Variants in ASIC1 observed in about 807,000 individuals in gnomAD.
ASIC1 encodes acid-sensing ion channel 1.
Under a neutral mutation model 63.4 loss-of-function variants are expected in ASIC1, and 21 were observed. The ratio of observed to expected loss-of-function variants is 0.33; its 90% CI spans 0.23 to 0.48. The LOEUF (loss-of-function observed/expected upper bound fraction) is 0.48. Ranked by LOEUF, ASIC1 falls within the 20% of genes least tolerant of loss-of-function variation. The probability of loss-of-function intolerance (pLI) is 0.99; values close to 1 mark genes in which losing one functional copy is unlikely to be tolerated. For synonymous variants in ASIC1, 258 were observed against 278.2 expected (o/e 0.93, Z 0.72); for missense variants, 478 against 695.5 (o/e 0.69, Z 3.52).
Position 50,059,951 on chromosome 12 carries a change from G to A in ASIC1, c.555G>A (p.Lys185=), listed in dbSNP as rs750748205. ...RGEVCSAEDF[K]VVFTRYGKCY... Reference sequence around the variant, plus strand: ...AGGTCTGCAGCGCTGAAGACTTCAAGGTGGTGAGTCCCCTCGTGTGGGGTG... The same window carrying A: ...AGGTCTGCAGCGCTGAAGACTTCAAAGTGGTGAGTCCCCTCGTGTGGGGTG... Residue 185 remains lysine (K), a synonymous_variant, in exon 3 of 12, where the codon AAG becomes AAA. Coordinates refer to ENST00000447966, the MANE Select transcript of ASIC1 (RefSeq NM_001095.4). This position sits in a 1 kb window ranked among gnomAD's most constrained non-coding sequence, Gnocchi z 4.6. 12 of 1,613,732 alleles carry A rather than the reference G, an allele frequency of 7.4e-6. No homozygotes were observed. In the Admixed American group the frequency reaches 1.8e-4, roughly 25 times the overall value.
In ASIC1 at chr12:50,077,317, G is replaced by T; in HGVS notation, c.663G>T (p.Met221Ile). Residue 221 changes from methionine (M) to isoleucine (I), a missense_variant, in exon 4 of 12, where the codon ATG becomes ATT. By Grantham distance (10) the Met-to-Ile change is conservative. Transcript: ENST00000447966. ...KGGTGNGLEIMLDIQQDEYLP... is the reference protein window; with the variant it reads ...KGGTGNGLEIILDIQQDEYLP... ...GGACGGGCAATGGGCTGGAAATCAT[G>T]CTGGACATCCAGCAGGACGAGTACC... 6.2e-7 allele frequency: 1 copy of T among 1,614,214 alleles called. No homozygotes were observed. Among genetic ancestry groups the T allele is most frequent in the Non-Finnish European group, 8.5e-7 (1 of 1,180,030 alleles).
chr12:50,083,501 C>T lies in ASIC1; in HGVS notation c.*1852C>T, dbSNP rs1168340427. ...CTAAGAGTTTCCTCAGAGATCATAC[C>T]TCCCCAGAGGGAAGCAGGAATGAGG... On this transcript the variant is annotated 3_prime_UTR_variant, in exon 12 of 12. Coordinates refer to ENST00000447966, the MANE Select transcript of ASIC1 (RefSeq NM_001095.4). 1 of 152,674 alleles carries T rather than the reference C, an allele frequency of 6.5e-6. No homozygotes were observed. Among genetic ancestry groups the T allele is most frequent in the East Asian group, 1.9e-4 (1 of 5,192 alleles). 9.5% of individuals were successfully genotyped at this position (152,674 alleles called of 1,614,324 possible).
In ASIC1 at chr12:50,082,717, G is replaced by A. The variant is rs753320866; in HGVS notation, c.*1068G>A. The A allele has an allele frequency of 6.6e-6, 1 of 152,486 alleles. No individual in the cohort carries two copies. The highest frequency in any genetic ancestry group is 1.5e-5 in the Non-Finnish European group (1 of 68,062). The allele number at this position is 152,486 out of a possible 1,614,324, so 9.4% of individuals were successfully genotyped here. ...CTGAATGCCTTCGCCTGTATAAAGA[G>A]TTGGACTCTCTCCCCTGGTGTCTGT... On this transcript the variant is annotated 3_prime_UTR_variant, in exon 12 of 12. Transcript: ENST00000447966.
chr12:50,081,078 C>A, intron 9 of ASIC1, 24 bp from the exon 10 acceptor site: 4 of 1,558,174 alleles, frequency 2.6e-6, no homozygotes, highest in Non-Finnish European at 3.5e-6. Context: ...ACCCCACTGA[C>A]CCCCCTGGCG....
intron 3 of ASIC1, among the ~76,000 whole-genome samples, chr12:50,071,304 T>C (rs957456993): frequency 1.4e-5 from 2 of 148,118 alleles, no homozygotes; most frequent in Admixed American, 1.4e-4. Context: ...TCTTGCTCTG[T>C]CCCCCAGGCT....
chr12:50,080,189 A>G lies in ASIC1; in HGVS notation c.1205+134A>G, dbSNP rs936518188. ...ACGGGGAAGGTCCAAAAGGCAAGCA[A>G]AGAGTCTAGGGTGGGTATGCAGGGA... On this transcript the variant is annotated intron_variant, in intron 8 of 11. Transcript: ENST00000447966. The G allele has an allele frequency of 9.4e-6, 12 of 1,283,168 alleles. No individual in the cohort carries two copies. The South Asian group carries it at 1.6e-4, about 18-fold the overall frequency. 79.5% of individuals were successfully genotyped at this position (1,283,168 alleles called of 1,614,324 possible).
rs181113174 is a variant in ASIC1, at chr12:50,077,631, G to A, written c.709+268G>A. ...TCTATAAATAACTCCCTCTCTTCTC[G>A]GGCTGCCTGCCTGTCTGGTCTCGGG... On this transcript the variant is annotated intron_variant, in intron 4 of 11. Transcript: ENST00000447966. Among the ~76,000 whole-genome samples, 79 of 151,692 alleles carry A rather than the reference G, an allele frequency of 5.2e-4. 1 individual carries two copies. The highest frequency in any genetic ancestry group is 1.6e-3 in the African/African-American group (67 of 41,344).
chr12:50,081,553 C>T lies in ASIC1; in HGVS notation c.1491C>T (p.Cys497=), dbSNP rs774083678. 3 of 1,614,068 alleles carry T rather than the reference C, an allele frequency of 1.9e-6. No individual in the cohort carries two copies. The highest frequency in any genetic ancestry group is 2.5e-6 in the Non-Finnish European group (3 of 1,179,986). The part of the protein sequence containing the change: ...SLDDVKRHNP[C]ESLRGHPAGM... ...CTGTCCCCTTCCCCCAGAACCCGTG[C>T]GAGAGCCTTCGGGGCCACCCTGCCG... Residue 497 remains cysteine (C), a synonymous_variant, in exon 12 of 12, where the codon TGC becomes TGT. Coordinates refer to ENST00000447966, the MANE Select transcript of ASIC1 (RefSeq NM_001095.4).
intron 3 of ASIC1, chr12:50,073,923 T>C: frequency 1.3e-6 from 2 of 1,535,838 alleles, no homozygotes; most frequent in South Asian, 2.4e-5. Flanking sequence ...GCGTTGCTTA[T>C]TACCTCAGCT....
intron 3 of ASIC1, among the ~76,000 whole-genome samples, chr12:50,067,028 CTT>C (rs1456398222): frequency 6.6e-6 from 1 of 152,172 alleles, no homozygotes; most frequent in Non-Finnish European, 1.5e-5. Context: ...TGAAGATGCT[CTT>C]GTCTTAAAAT....
In ASIC1 at chr12:50,081,674, G is replaced by T. The variant is rs1390315767; in HGVS notation, c.*25G>T. 3 of 1,608,634 alleles carry T rather than the reference G, an allele frequency of 1.9e-6. No homozygotes were observed. Among genetic ancestry groups the T allele is most frequent in the Non-Finnish European group, 8.5e-7 (1 of 1,177,106 alleles). On this transcript the variant is annotated 3_prime_UTR_variant, in exon 12 of 12. Transcript: ENST00000447966. ...AGCCCCGCAGGCCGCTGAACCAAAG[G>T]CCTAGATGGGGAGGACTAGGAGAGC...
intron 7 of ASIC1, among the ~76,000 whole-genome samples, chr12:50,079,665 A>C (rs762419643): frequency 6.6e-6 from 1 of 152,176 alleles, no homozygotes; most frequent in Non-Finnish European, 1.5e-5. Context: ...AGTTCTCTCC[A>C]TCTACATCGT....
Position 50,063,003 on chromosome 12 carries a change from A to C in ASIC1, c.558+3049A>C, listed in dbSNP as rs377345860. Among the ~76,000 whole-genome samples the C allele has an allele frequency of 3.9e-5, 6 of 152,294 alleles. No individual in the cohort carries two copies. The East Asian group carries it at 9.6e-4, about 24-fold the overall frequency. ...GAAGGGCAGGGCAGGGAGTATCCCC[A>C]CAGCAACCTGGCTGGGAAGGTTTCA... On this transcript the variant is annotated intron_variant, in intron 3 of 11. Coordinates refer to ENST00000447966, the MANE Select transcript of ASIC1 (RefSeq NM_001095.4).
In ASIC1 at chr12:50,081,891, C is replaced by T. The variant is rs1273956612; in HGVS notation, c.*242C>T. 2.8e-5 allele frequency: 15 copies of T among 528,240 alleles called. No homozygotes were observed. The highest frequency in any genetic ancestry group is 1.0e-4 in the Admixed American group (3 of 29,258). The allele number at this position is 528,240 out of a possible 1,614,324, so 32.7% of individuals were successfully genotyped here. ...AAAAAGGGAGAACGGGGCAAGGGAC[C>T]TCAGGCTGCCCCTCTCTCCTCCATG... On this transcript the variant is annotated 3_prime_UTR_variant, in exon 12 of 12. Coordinates refer to ENST00000447966, the MANE Select transcript of ASIC1 (RefSeq NM_001095.4).
chr12:50,070,575 T>A (rs1950590046), intron 3 of ASIC1, among the ~76,000 whole-genome samples: 1 of 152,210 alleles, frequency 6.6e-6, no homozygotes, highest in Admixed American at 6.5e-5. Context: ...CCCTTGTCTT[T>A]GCTGGGGCTC....
chr12:50,062,915 A>T (rs1284499364), intron 3 of ASIC1, among the ~76,000 whole-genome samples: 14 of 152,074 alleles, frequency 9.2e-5, no homozygotes, highest in Non-Finnish European at 1.5e-5. Flanking sequence ...GGGGGTGAAT[A>T]TGGGGAGCCT....
rs1950686024 is a variant in ASIC1, at chr12:50,078,863, T to C, written c.995-61T>C. ...CTTACACCTTCTAGGCCTTTGGTAC[T>C]ACCACCATCACCAGACCCCTTGAAT... On this transcript the variant is annotated intron_variant, in intron 6 of 11. Coordinates refer to ENST00000447966, the MANE Select transcript of ASIC1 (RefSeq NM_001095.4). This position sits in a 1 kb window ranked among gnomAD's most constrained non-coding sequence, Gnocchi z 6.0. The C allele has an allele frequency of 6.4e-7, 1 of 1,565,726 alleles. No individual in the cohort carries two copies. Among genetic ancestry groups the C allele is most frequent in the African/African-American group, 1.4e-5 (1 of 73,880 alleles).
At chr12:50,068,214 T>C (rs2137822880) in intron 3 of ASIC1, among the ~76,000 whole-genome samples, 1 of 152,342 alleles carries the variant, frequency 6.6e-6, no homozygotes, top group South Asian at 2.1e-4. Context: ...AGTTCTTTTT[T>C]GATGCTGTAT....
chr12:50,073,194 G>A (rs1193019994), intron 3 of ASIC1, among the ~76,000 whole-genome samples: 1 of 152,126 alleles, frequency 6.6e-6, no homozygotes, highest in East Asian at 1.9e-4. Context: ...GTCTCACCTG[G>A]GAGGGGTGGG....
Sources: allele counts gnomAD v4.1 joint callset (sites outside exome capture counted in the v4.1 genomes callset), GRCh38; gene constraint gnomAD v4.1.1; non-coding constraint Gnocchi (gnomAD v3.1); transcripts MANE v1.5; gene names NCBI Gene and HGNC (gene_info 2026-07-23, HGNC 2026-07-21).